Variants in NDE1 observed in about 807,000 individuals in gnomAD.
NDE1 encodes nuclear distribution protein nudE homolog 1.
In NDE1, 28 loss-of-function variants were observed where a neutral mutation model predicts 43.4. The observed-to-expected ratio is 0.65, with a 90% CI of 0.48 to 0.89. The LOEUF (loss-of-function observed/expected upper bound fraction) is 0.89, where lower values mean the gene tolerates loss of function less well. Ranked by LOEUF, NDE1 falls within the 40% of genes least tolerant of loss-of-function variation. NDE1 has a pLI of 0.00. For synonymous variants in NDE1, 184 were observed against 172.0 expected (o/e 1.07, Z -0.55); for missense variants, 441 against 434.1 (o/e 1.02, Z -0.14).
chr16:15,676,660 G>A (rs1399965674), intron 3 of NDE1, among the ~76,000 whole-genome samples: 4 of 151,712 alleles, frequency 2.6e-5, no homozygotes, highest in African/African-American at 9.7e-5. Flanking sequence ...CACAAACAAC[G>A]GACGTCATTA....
At chr16:15,677,468 C>G (rs148234641) in intron 3 of NDE1, among the ~76,000 whole-genome samples, 1 of 152,118 alleles carries the variant, frequency 6.6e-6, no homozygotes, top group Non-Finnish European at 1.5e-5. Flanking sequence ...TGGCTGTATT[C>G]CCAGCCACTT....
intron 3 of NDE1, among the ~76,000 whole-genome samples, chr16:15,671,620 C>T (rs1436192896): frequency 1.3e-5 from 2 of 152,152 alleles, no homozygotes; most frequent in African/African-American, 2.4e-5. Flanking sequence ...GTACTTGGCC[C>T]ACTTCACCCA....
At chr16:15,680,397 T>G (rs2038115527) in intron 4 of NDE1, among the ~76,000 whole-genome samples, 1 of 152,178 alleles carries the variant, frequency 6.6e-6, no homozygotes, top group Admixed American at 6.6e-5. Context: ...AAGCGTTGTT[T>G]TCCAGTTCCT....
In NDE1 at chr16:15,725,162, CAAAAA is replaced by C. The variant is rs886051749; in HGVS notation, c.*915_*919del. ...AAAAAAAAAAAAACACACACACACACAAAAAAAACAGAATCTGTGGCTTGAAGGGA... is the reference window on the plus strand; with the variant it reads ...AAAAAAAAAAAAACACACACACACACAAACAGAATCTGTGGCTTGAAGGGA... On this transcript the variant is annotated 3_prime_UTR_variant, in exon 9 of 9. Coordinates refer to ENST00000396354, the MANE Select transcript of NDE1 (RefSeq NM_017668.3). 1 of 636,384 alleles carries C rather than the reference CAAAAA, an allele frequency of 1.6e-6. No individual in the cohort carries two copies. The highest frequency in any genetic ancestry group is 2.7e-6 in the Non-Finnish European group (1 of 363,990). 39.4% of individuals were successfully genotyped at this position (636,384 alleles called of 1,614,324 possible).
chr16:15,723,519 C>T (rs1438162430), intron 8 of NDE1, among the ~76,000 whole-genome samples: 2 of 152,132 alleles, frequency 1.3e-5, no homozygotes, highest in African/African-American at 2.4e-5. Context: ...TAGTGGTGTG[C>T]TCCTATAATC....
intron 8 of NDE1, among the ~76,000 whole-genome samples, chr16:15,697,783 G>T (rs1004178634): frequency 6.6e-6 from 1 of 151,888 alleles, no homozygotes; most frequent in African/African-American, 2.4e-5. Context: ...TCATGGCTCT[G>T]CTTCCCCTGA....
chr16:15,662,485 G>A lies in NDE1; in HGVS notation c.-43-2251G>A, dbSNP rs191045544. Among the ~76,000 whole-genome samples the A allele has an allele frequency of 3.8e-3, 580 of 151,570 alleles. 5 individuals are homozygous for A. The highest frequency in any genetic ancestry group is 3.7e-3 in the Non-Finnish European group (249 of 67,876). On this transcript the variant is annotated intron_variant, in intron 1 of 8. Coordinates refer to ENST00000396354, the MANE Select transcript of NDE1 (RefSeq NM_017668.3). Reference sequence around the variant, plus strand: ...TTTTTAGTAGGGACAGGGTTTCACCGTGTTAGACAGGATGGTCTCAATCTC... The same window carrying A: ...TTTTTAGTAGGGACAGGGTTTCACCATGTTAGACAGGATGGTCTCAATCTC...
intron 8 of NDE1, chr16:15,712,924 C>T (rs1443501824): frequency 8.7e-6 from 1 of 115,384 alleles, no homozygotes; most frequent in Non-Finnish European, 1.9e-5. Flanking sequence ...GTCACCCAGG[C>T]TGGACTGCAA....
chr16:15,720,384 A>G, intron 8 of NDE1: 1 of 1,545,664 alleles, frequency 6.5e-7, no homozygotes, highest in Non-Finnish European at 8.8e-7. Flanking sequence ...TAGGCAGCAC[A>G]TCACTGCACC....
chr16:15,663,170 A>G (rs958103971), intron 1 of NDE1, among the ~76,000 whole-genome samples: 1 of 151,588 alleles, frequency 6.6e-6, no homozygotes, highest in Admixed American at 6.6e-5. Context: ...CTCCCCTACA[A>G]GTGCCTGGCT....
chr16:15,694,683 T>G (rs2038926338), intron 7 of NDE1: 2 of 985,282 alleles, frequency 2.0e-6, no homozygotes, highest in African/African-American at 3.5e-5. Context: ...TAGGTGTGGC[T>G]GCTCCTTTAG....
intron 3 of NDE1, among the ~76,000 whole-genome samples, chr16:15,674,970 C>T (rs2037792798): frequency 1.3e-5 from 2 of 152,086 alleles, no homozygotes; most frequent in South Asian, 2.1e-4. Context: ...TTGCGTTGCC[C>T]CTGTGGATGA....
intron 1 of NDE1, among the ~76,000 whole-genome samples, chr16:15,657,736 C>T (rs55687528): frequency 2.0e-5 from 3 of 151,822 alleles, no homozygotes; most frequent in South Asian, 2.1e-4. Flanking sequence ...GCTGGGACTA[C>T]AGGCACGCAC....
At chr16:15,712,881 A>ATTTTTTTTTTTTTTTTTTTTTTTT (rs1567680172) in intron 8 of NDE1, 2 of 65,916 alleles carry the variant, frequency 3.0e-5, no homozygotes, top group East Asian at 7.9e-4. Flanking sequence ...CTTCACATAC[A>ATTTTTTTTTTTTTTTTTTTTTTTT]GTTTTTTTTT....
chr16:15,676,167 C>A (rs2037863006), intron 3 of NDE1, among the ~76,000 whole-genome samples: 1 of 151,242 alleles, frequency 6.6e-6, no homozygotes, highest in Non-Finnish European at 1.5e-5. Flanking sequence ...CTCTCCCTCC[C>A]CCATTTTATC....
chr16:15,664,600 C>G (rs1452074561), intron 1 of NDE1, 136 bp from the exon 2 acceptor site: 15 of 616,080 alleles, frequency 2.4e-5, no homozygotes, highest in Non-Finnish European at 3.7e-5. Flanking sequence ...CGTGATCCGC[C>G]CGCCTCAGCC....
intron 8 of NDE1, among the ~76,000 whole-genome samples, chr16:15,716,964 C>T (rs1461079964): frequency 6.6e-6 from 1 of 152,336 alleles, no homozygotes; most frequent in Non-Finnish European, 1.5e-5. Context: ...CAGGAACCAG[C>T]AGGGCACTTT....
intron 8 of NDE1, chr16:15,721,362 A>G: frequency 6.4e-7 from 1 of 1,557,596 alleles, no homozygotes; most frequent in South Asian, 1.1e-5. Context: ...TGGACTGGTG[A>G]ATAGCACAGA....
At chr16:15,657,923 G>C (rs1297427961) in intron 1 of NDE1, among the ~76,000 whole-genome samples, 1 of 152,124 alleles carries the variant, frequency 6.6e-6, no homozygotes, top group East Asian at 1.9e-4. Context: ...TTTTGACTTT[G>C]AGCAAGTAAG....
Sources: allele counts gnomAD v4.1 joint callset (sites outside exome capture counted in the v4.1 genomes callset), GRCh38; gene constraint gnomAD v4.1.1; transcripts MANE v1.5; gene names NCBI Gene and HGNC (gene_info 2026-07-23, HGNC 2026-07-21).